PLXDC2: variants seen among roughly 807,000 people sequenced by gnomAD.
PLXDC2 encodes the protein plexin domain containing 2.
Under a neutral mutation model 68.9 loss-of-function variants are expected in PLXDC2, and 40 were observed. The ratio of observed to expected loss-of-function variants is 0.58; its 90% CI spans 0.45 to 0.76. The LOEUF (loss-of-function observed/expected upper bound fraction) is 0.76, where lower values mean the gene tolerates loss of function less well. Among genes scored for constraint, PLXDC2 ranks in the 30% least tolerant of loss-of-function variants. PLXDC2 has a pLI of 0.00. For synonymous variants in PLXDC2, 243 were observed against 234.2 expected, an observed-to-expected ratio of 1.04 and a Z score of -0.34; for missense variants, 644 against 661.9, an observed-to-expected ratio of 0.97 and a Z score of 0.30.
intron 1 of PLXDC2, among the ~76,000 whole-genome samples, chr10:19,861,037 GTCTTT>G (rs999192130): frequency 6.9e-5 from 10 of 144,580 alleles, no homozygotes; most frequent in African/African-American, 2.6e-4. Context: ...TTTACTTTCT[GTCTTT>G]TCTTTTTTTT....
intron 1 of PLXDC2, among the ~76,000 whole-genome samples, chr10:19,902,994 T>C (rs576052047): frequency 6.6e-6 from 1 of 152,354 alleles, no homozygotes; most frequent in East Asian, 1.9e-4. Context: ...TTACATATGT[T>C]AAACCATCCC....
intron 1 of PLXDC2, among the ~76,000 whole-genome samples, chr10:19,960,746 T>G (rs958789764): frequency 6.6e-6 from 1 of 152,184 alleles, no homozygotes; most frequent in Non-Finnish European, 1.5e-5. Flanking sequence ...CATATTTTTT[T>G]CCTTCCATAT....
intron 2 of PLXDC2, among the ~76,000 whole-genome samples, chr10:20,020,293 A>G (rs955195629): frequency 2.7e-5 from 4 of 146,854 alleles, no homozygotes; most frequent in African/African-American, 1.0e-4. Flanking sequence ...GCACCTTTTT[A>G]TTAAAAGAGA....
chr10:19,996,522 G>T (rs1834845437), intron 1 of PLXDC2, among the ~76,000 whole-genome samples: 1 of 152,172 alleles, frequency 6.6e-6, no homozygotes, highest in Non-Finnish European at 1.5e-5. Context: ...GGGATTTGAG[G>T]CTGTAGTGAG....
At chr10:19,975,053 G>A (rs1385544963) in intron 1 of PLXDC2, among the ~76,000 whole-genome samples, 5 of 152,080 alleles carry the variant, frequency 3.3e-5, no homozygotes, top group Admixed American at 2.6e-4. Context: ...AGAGGCAACT[G>A]TTTTCACTTC....
At chr10:20,101,824 A>C (rs189074198) in intron 4 of PLXDC2, among the ~76,000 whole-genome samples, 221 of 151,448 alleles carry the variant, frequency 1.5e-3, no homozygotes, top group African/African-American at 5.2e-3. Flanking sequence ...TTGAGATAGA[A>C]TCTCACTCTG....
At chr10:20,046,669 T>C (rs1417878728) in intron 2 of PLXDC2, among the ~76,000 whole-genome samples, 200 bp from the exon 3 acceptor site, 1 of 152,116 alleles carries the variant, frequency 6.6e-6, no homozygotes, top group African/African-American at 2.4e-5. Context: ...GAGCTATTTA[T>C]TAACATTTTT....
intron 1 of PLXDC2, among the ~76,000 whole-genome samples, chr10:19,840,624 C>T (rs1182438140): frequency 6.6e-6 from 1 of 152,050 alleles, no homozygotes; most frequent in Non-Finnish European, 1.5e-5. Context: ...CATCCTCATG[C>T]CTTCAGCCAC....
intron 4 of PLXDC2, among the ~76,000 whole-genome samples, chr10:20,104,648 G>T (rs533845579): frequency 6.6e-6 from 1 of 152,054 alleles, no homozygotes; most frequent in South Asian, 2.1e-4. Flanking sequence ...TTGTTGGCAC[G>T]TGGGTTTTCT....
rs115719868 is a variant in PLXDC2 at position 20,194,344 on chromosome 10, A to G, written c.1061+16935A>G. On this transcript the variant is annotated intron_variant, in intron 9 of 13. Transcript: ENST00000377252. ...TTTCCACTGAAATCAATTTACTTCA[A>G]CTGGGAATAATCATCCTTAAGAGTT... Among the ~76,000 whole-genome samples the G allele has an allele frequency of 3.7e-3, 556 of 152,012 alleles. 3 individuals carry two copies. Among genetic ancestry groups the G allele is most frequent in the African/African-American group, 0.012 (512 of 41,516 alleles).
chr10:20,034,617 A>G (rs1297702264), intron 2 of PLXDC2, among the ~76,000 whole-genome samples: 1 of 152,246 alleles, frequency 6.6e-6, no homozygotes, highest in Non-Finnish European at 1.5e-5. Context: ...ATGTTTGAGG[A>G]GAATTCATGC....
chr10:20,138,291 T>A lies in PLXDC2; in HGVS notation c.542-5004T>A, dbSNP rs139210795. ...TAAGTGAGGACTTATCGGATAATTG[T>A]GAAAACTGTCATCTGGTGGCAATTT... is the stretch of plus-strand genomic sequence containing the variant. On this transcript the variant is annotated intron_variant, in intron 4 of 13. Coordinates refer to ENST00000377252, the MANE Select transcript of PLXDC2 (RefSeq NM_032812.9). Among the ~76,000 whole-genome samples the A allele has an allele frequency of 1.1e-3, 174 of 152,296 alleles. 2 individuals are homozygous for A. The highest frequency in any genetic ancestry group is 4.0e-3 in the African/African-American group (167 of 41,584).
chr10:20,175,985 G>C (rs1834521668), intron 7 of PLXDC2, among the ~76,000 whole-genome samples: 1 of 152,078 alleles, frequency 6.6e-6, no homozygotes, highest in Non-Finnish European at 1.5e-5. Context: ...GAGCACATTA[G>C]TATAAGGCTT....
intron 4 of PLXDC2, among the ~76,000 whole-genome samples, chr10:20,108,619 C>T (rs2255452): frequency 0.32 from 48,967 of 151,796 alleles, 10,344 homozygotes; most frequent in Non-Finnish European, 0.48. Flanking sequence ...AACACTTCGC[C>T]AGTACTTGAA....
At chr10:19,864,845 G>A (rs762870180) in intron 1 of PLXDC2, among the ~76,000 whole-genome samples, 1 of 152,190 alleles carries the variant, frequency 6.6e-6, no homozygotes, top group Non-Finnish European at 1.5e-5. Context: ...AGTTGGAATT[G>A]AGAGACACCT....
chr10:20,119,867 A>G (rs1445962040), intron 4 of PLXDC2, among the ~76,000 whole-genome samples: 1 of 142,430 alleles, frequency 7.0e-6, no homozygotes, highest in African/African-American at 2.8e-5. Flanking sequence ...ATGGTTTTGT[A>G]TGAATTGAAA....
chr10:20,104,396 C>T (rs182549363), intron 4 of PLXDC2, among the ~76,000 whole-genome samples: 8 of 152,228 alleles, frequency 5.3e-5, no homozygotes, highest in Non-Finnish European at 8.8e-5. Context: ...GTGGTTTCTA[C>T]GTTCTTTAGG....
At position 20,273,046 on chromosome 10, in the gene PLXDC2, G is replaced by C. The variant is rs150952613; in HGVS notation, c.1474-6657G>C. ...AACCTATATGGTACTTTATATATCT[G>C]TGTTAAAATAGTAGATTCTAAACAA... is the stretch of plus-strand genomic sequence containing the variant. On this transcript the variant is annotated intron_variant, in intron 13 of 13. Transcript: ENST00000377252. Among the ~76,000 whole-genome samples the C allele has an allele frequency of 4.3e-3, 653 of 152,314 alleles. 2 individuals are homozygous for C. Among genetic ancestry groups the C allele is most frequent in the Non-Finnish European group, 3.9e-3 (267 of 68,022 alleles).
At chr10:19,966,202 CAT>C (rs951197397) in intron 1 of PLXDC2, among the ~76,000 whole-genome samples, 5 of 131,242 alleles carry the variant, frequency 3.8e-5, no homozygotes, top group African/African-American at 1.3e-4. Flanking sequence ...TACTCATGCA[CAT>C]ATATATACTA....
Sources: gnomAD v4.1 joint callset for allele counts (sites outside exome capture counted in the v4.1 genomes callset) on GRCh38, gnomAD v4.1.1 for gene constraint, MANE v1.5 for transcripts, NCBI Gene and HGNC (gene_info 2026-07-23, HGNC 2026-07-21) for gene names.